Variants in JAZF1 observed in about 807,000 individuals in gnomAD.
JAZF1 encodes the protein JAZF zinc finger 1.
In JAZF1, 8 loss-of-function variants were observed where a neutral mutation model predicts 26.4. The ratio of observed to expected loss-of-function variants is 0.30; its 90% CI spans 0.18 to 0.55. The LOEUF (loss-of-function observed/expected upper bound fraction) is 0.55. Among genes scored for constraint, JAZF1 ranks in the 20% least tolerant of loss-of-function variants. The probability of loss-of-function intolerance (pLI) is 0.94; values close to 1 mark genes in which losing one functional copy is unlikely to be tolerated. For missense variants in JAZF1, 199 were observed against 322.0 expected (o/e 0.62, Z 2.92); for synonymous variants, 126 against 122.3 (o/e 1.03, Z -0.20).
At chr7:27,995,461 G>A (rs1291100515) in intron 1 of JAZF1, among the ~76,000 whole-genome samples, 2 of 152,152 alleles carry the variant, frequency 1.3e-5, no homozygotes, top group African/African-American at 2.4e-5. Flanking sequence ...GCAGGGCAGG[G>A]TAGGGCCAAA....
At chr7:28,033,581 C>T (rs1039416552) in intron 1 of JAZF1, among the ~76,000 whole-genome samples, 1 of 152,304 alleles carries the variant, frequency 6.6e-6, no homozygotes, top group African/African-American at 2.4e-5. Flanking sequence ...ACAGGGCACA[C>T]CCCAGCTGAG....
intron 2 of JAZF1, among the ~76,000 whole-genome samples, chr7:27,903,015 T>TAAA (rs60212939): frequency 1.1e-4 from 11 of 98,918 alleles, no homozygotes; most frequent in African/African-American, 1.9e-4. Flanking sequence ...GACTCCGTCT[T>TAAA]AAAAAAAAAA....
chr7:27,975,821 G>A (rs1387850863), intron 2 of JAZF1, among the ~76,000 whole-genome samples: 15 of 152,168 alleles, frequency 9.9e-5, no homozygotes, highest in Non-Finnish European at 2.1e-4. Flanking sequence ...ATGGTCTGAT[G>A]TGATTTCAAT....
chr7:28,168,461 A>T (rs1173333859), intron 1 of JAZF1, among the ~76,000 whole-genome samples: 1 of 152,088 alleles, frequency 6.6e-6, no homozygotes, highest in East Asian at 1.9e-4. Context: ...TAATAATAAT[A>T]AATAAAAGCA....
chr7:27,983,284 G>A (rs867327018), intron 2 of JAZF1, among the ~76,000 whole-genome samples: 4 of 152,308 alleles, frequency 2.6e-5, no homozygotes, highest in Middle Eastern at 3.4e-3. Context: ...ACCATGGCAC[G>A]AGAACTACGT....
intron 1 of JAZF1, among the ~76,000 whole-genome samples, chr7:28,052,332 C>T (rs1783630130): frequency 1.3e-5 from 2 of 152,208 alleles, no homozygotes; most frequent in South Asian, 4.1e-4. Context: ...AAGGAAATTA[C>T]ATAGCTTTTT....
chr7:27,924,576 T>A (rs904715677), intron 2 of JAZF1, among the ~76,000 whole-genome samples: 9 of 152,230 alleles, frequency 5.9e-5, no homozygotes, highest in Admixed American at 4.6e-4. Flanking sequence ...AAGTATATTT[T>A]CATTTTTCTA....
chr7:28,128,036 C>G (rs895635921), intron 1 of JAZF1, among the ~76,000 whole-genome samples: 3 of 151,906 alleles, frequency 2.0e-5, no homozygotes, highest in Non-Finnish European at 4.4e-5. Context: ...GCCTACCACT[C>G]AATTACAAAA....
At chr7:27,877,946 G>C (rs1203658075) in intron 3 of JAZF1, among the ~76,000 whole-genome samples, 1 of 152,016 alleles carries the variant, frequency 6.6e-6, no homozygotes, top group African/African-American at 2.4e-5. Context: ...TATGCAAAGG[G>C]GGACCATCTA....
intron 1 of JAZF1, among the ~76,000 whole-genome samples, chr7:28,068,897 G>T (rs979290771): frequency 1.3e-5 from 2 of 152,222 alleles, no homozygotes; most frequent in Non-Finnish European, 2.9e-5. Context: ...CTGACTGAAA[G>T]ACTCATCCCT....
intron 2 of JAZF1, among the ~76,000 whole-genome samples, chr7:27,936,108 A>G (rs1201361451): frequency 6.6e-6 from 1 of 152,252 alleles, no homozygotes; most frequent in Non-Finnish European, 1.5e-5. Context: ...AACAACCATC[A>G]TTCTTCATTT....
At chr7:28,095,909 T>C (rs1784376093) in intron 1 of JAZF1, among the ~76,000 whole-genome samples, 1 of 152,252 alleles carries the variant, frequency 6.6e-6, no homozygotes, top group Non-Finnish European at 1.5e-5. Flanking sequence ...TGCTGTGTCC[T>C]CACACGGCTG....
intron 3 of JAZF1, among the ~76,000 whole-genome samples, chr7:27,865,653 G>A (rs1223994939): frequency 6.6e-6 from 1 of 152,042 alleles, no homozygotes; most frequent in African/African-American, 2.4e-5. Flanking sequence ...TCGACAAGAT[G>A]TTGTGTTAGC....
At chr7:27,880,608 G>C (rs1030767587) in intron 3 of JAZF1, among the ~76,000 whole-genome samples, 2 of 152,066 alleles carry the variant, frequency 1.3e-5, no homozygotes, top group Admixed American at 1.3e-4. Context: ...ACTCCAGCCT[G>C]GGTAACAGCA....
At chr7:28,103,582 C>T (rs1338425336) in intron 1 of JAZF1, among the ~76,000 whole-genome samples, 8 of 152,166 alleles carry the variant, frequency 5.3e-5, no homozygotes, top group Non-Finnish European at 8.8e-5. Context: ...CAGCCAGTCA[C>T]CCTCATCTTA....
intron 1 of JAZF1, among the ~76,000 whole-genome samples, chr7:28,173,206 G>A (rs937578391): frequency 2.0e-5 from 3 of 152,040 alleles, no homozygotes; most frequent in African/African-American, 4.8e-5. Flanking sequence ...CTGCCTCTGT[G>A]GTCCCTATTA....
At chr7:28,119,358 C>T (rs186853737) in intron 1 of JAZF1, among the ~76,000 whole-genome samples, 183 of 152,316 alleles carry the variant, frequency 1.2e-3, no homozygotes, top group African/African-American at 4.3e-3. Context: ...CAAAACCCTA[C>T]TTTGTTTCCT....
At chr7:28,028,950 A>C (rs1033883169) in intron 1 of JAZF1, among the ~76,000 whole-genome samples, 9 of 152,218 alleles carry the variant, frequency 5.9e-5, no homozygotes, top group Admixed American at 3.9e-4. Context: ...TGGTACATGG[A>C]AACTCATGAG....
intron 2 of JAZF1, among the ~76,000 whole-genome samples, chr7:27,931,259 T>C (rs1392986984): frequency 6.6e-6 from 1 of 152,216 alleles, no homozygotes. Context: ...CATAAATGAA[T>C]ATGTCTGTGT....
Sources: gnomAD v4.1 joint callset for allele counts (sites outside exome capture counted in the v4.1 genomes callset) on GRCh38, gnomAD v4.1.1 for gene constraint, MANE v1.5 for transcripts, NCBI Gene and HGNC (gene_info 2026-07-23, HGNC 2026-07-21) for gene names.